XKR9: variants seen among roughly 807,000 people sequenced by gnomAD.
XKR9 encodes the protein XK related 9, also known as XK-related protein 9.
Under a neutral mutation model 32.0 loss-of-function variants are expected in XKR9, and 32 were observed. The observed-to-expected ratio is 1.00, with a 90% CI of 0.76 to 1.34. XKR9 has a LOEUF of 1.34. Ranked by LOEUF, XKR9 falls within the 40% of genes most tolerant of loss-of-function variation. The pLI is 0.00. For missense variants in XKR9, 546 were observed against 429.7 expected (o/e 1.27, Z -2.39); for synonymous variants, 168 against 143.4 (o/e 1.17, Z -1.22).
chr8:70,877,510 A>G, the XKR9 span, among the ~76,000 whole-genome samples: 13 of 152,140 alleles, frequency 8.5e-5, no homozygotes, highest in Non-Finnish European at 1.9e-4. Flanking sequence ...TAGGATACAG[A>G]CTCAGATTTT....
Position 70,730,863 on chromosome 8 carries a change from C to T in XKR9, c.494-2933C>T, listed in dbSNP as rs563702704. Among the ~76,000 whole-genome samples the T allele has an allele frequency of 2.6e-5, 4 of 152,166 alleles. No homozygotes were observed. The East Asian group carries it at 7.7e-4, about 29-fold the overall frequency. ...AGCCAATTTCAAGCTTGCAGAGGCT[C>T]TTAACTGCTCAAGATAATTTTAGGG... On this transcript the variant is annotated intron_variant, in intron 4 of 4. Coordinates refer to ENST00000408926, the MANE Select transcript of XKR9 (RefSeq NM_001011720.2).
the XKR9 span, among the ~76,000 whole-genome samples, chr8:70,822,334 G>A: frequency 0.4 from 60,904 of 151,586 alleles, 13,820 homozygotes; most frequent in Non-Finnish European, 0.52. Context: ...TAGAGATTTT[G>A]TTAATTTATC....
At chr8:70,715,004 T>C (rs1037406974) in intron 4 of XKR9, among the ~76,000 whole-genome samples, 1 of 152,110 alleles carries the variant, frequency 6.6e-6, no homozygotes, top group Non-Finnish European at 1.5e-5. Flanking sequence ...GAAAAAAATA[T>C]GTTAGAAGCA....
At chr8:71,051,120 A>G in the XKR9 span, among the ~76,000 whole-genome samples, 1 of 152,146 alleles carries the variant, frequency 6.6e-6, no homozygotes, top group Non-Finnish European at 1.5e-5. Flanking sequence ...CTTAAATCTT[A>G]AAGGTCAACA....
chr8:70,752,815 G>A (rs1039884622), intron 2 of XKR9, among the ~76,000 whole-genome samples: 11 of 152,054 alleles, frequency 7.2e-5, no homozygotes, highest in Non-Finnish European at 1.6e-4. Flanking sequence ...GAGAAAGCAG[G>A]AAAGATCAAA....
At chr8:70,753,320 G>A (rs1478159497) in intron 2 of XKR9, among the ~76,000 whole-genome samples, 64 of 150,406 alleles carry the variant, frequency 4.3e-4, no homozygotes, top group African/African-American at 1.4e-3. Flanking sequence ...ATTCACAGCC[G>A]AATTCTACCA....
At chr8:71,040,038 G>A in the XKR9 span, among the ~76,000 whole-genome samples, 3 of 152,138 alleles carry the variant, frequency 2.0e-5, no homozygotes, top group East Asian at 3.8e-4. Flanking sequence ...AGACTTATCG[G>A]TGTCTATTAT....
chr8:70,687,352 T>TTCTTTCTTTCTTTCTC (rs1281884220), intron 3 of XKR9, among the ~76,000 whole-genome samples: 2 of 148,388 alleles, frequency 1.3e-5, no homozygotes, highest in Non-Finnish European at 3.0e-5. Context: ...CTTTCTTTCT[T>TTCTTTCTTTCTTTCTC]TCTTTCTCTC....
chr8:71,002,732 T>TA, the XKR9 span, among the ~76,000 whole-genome samples: 2 of 152,108 alleles, frequency 1.3e-5, no homozygotes, highest in Non-Finnish European at 2.9e-5. Flanking sequence ...ACCTAAGCTG[T>TA]AAAAAAACTC....
the XKR9 span, among the ~76,000 whole-genome samples, chr8:70,803,055 G>A: frequency 6.6e-6 from 1 of 152,118 alleles, no homozygotes; most frequent in Admixed American, 6.5e-5. Context: ...TTTTCAAGTT[G>A]CTTGCTTTCT....
At chr8:70,741,765 T>G (rs1021705166) in intron 2 of XKR9, among the ~76,000 whole-genome samples, 1 of 152,216 alleles carries the variant, frequency 6.6e-6, no homozygotes, top group African/African-American at 2.4e-5. Context: ...CTTTTGGATA[T>G]GTACTCAGAA....
intron 2 of XKR9, among the ~76,000 whole-genome samples, chr8:70,769,305 C>T (rs557693130): frequency 1.3e-4 from 20 of 151,776 alleles, no homozygotes; most frequent in East Asian, 5.8e-4. Flanking sequence ...CAGAGAAATC[C>T]GCTGTTAGTC....
At chr8:70,721,198 T>C (rs1806269489) in intron 4 of XKR9, among the ~76,000 whole-genome samples, 2 of 152,320 alleles carry the variant, frequency 1.3e-5, no homozygotes, top group Admixed American at 1.3e-4. Context: ...TCTTTTCTTC[T>C]TTATTAGTCT....
chr8:70,903,984 T>A, the XKR9 span, among the ~76,000 whole-genome samples: 1 of 152,166 alleles, frequency 6.6e-6, no homozygotes, highest in Non-Finnish European at 1.5e-5. Flanking sequence ...TCTAATTTGA[T>A]TACACTGTGG....
the XKR9 span, among the ~76,000 whole-genome samples, chr8:70,817,794 C>T: frequency 6.6e-6 from 1 of 151,936 alleles, no homozygotes; most frequent in Non-Finnish European, 1.5e-5. Flanking sequence ...AAAAGAGAAC[C>T]CAGAAATAAA....
chr8:70,941,818 C>T, the XKR9 span, among the ~76,000 whole-genome samples: 2 of 152,094 alleles, frequency 1.3e-5, no homozygotes, highest in African/African-American at 4.8e-5. Context: ...ACCACAAAAT[C>T]AGCCTAAGAG....
At chr8:70,935,206 T>TACACACAC in the XKR9 span, among the ~76,000 whole-genome samples, 823 of 82,572 alleles carry the variant, frequency 1.0e-2, 3 homozygotes, top group African/African-American at 0.034. Context: ...CATATACATA[T>TACACACAC]ATACACACAC....
the XKR9 span, among the ~76,000 whole-genome samples, chr8:70,962,128 C>A: frequency 1.3e-5 from 2 of 151,958 alleles, no homozygotes; most frequent in Non-Finnish European, 2.9e-5. Flanking sequence ...TAGAGATATT[C>A]GTTTACTTAA....
intron 3 of XKR9, among the ~76,000 whole-genome samples, chr8:70,689,679 T>C (rs1035449292): frequency 6.6e-6 from 1 of 152,070 alleles, no homozygotes; most frequent in African/African-American, 2.4e-5. Context: ...AATGGCATAG[T>C]ACATAACTAT....
Sources: gnomAD v4.1 joint callset for allele counts (sites outside exome capture counted in the v4.1 genomes callset) on GRCh38, gnomAD v4.1.1 for gene constraint, MANE v1.5 for transcripts, NCBI Gene and HGNC (gene_info 2026-07-23, HGNC 2026-07-21) for gene names.